SFMBT2: variants seen among roughly 807,000 people sequenced by gnomAD.
SFMBT2 encodes the protein scm-like with four MBT domains protein 2.
A neutral mutation model predicts 110.1 loss-of-function variants in SFMBT2; 38 were observed. That is an observed-to-expected ratio of 0.35 (90% CI 0.27 to 0.45). The LOEUF (loss-of-function observed/expected upper bound fraction) is 0.45. SFMBT2 is among the 20% of genes least tolerant of loss of function. The probability of loss-of-function intolerance (pLI) is 1.00; values close to 1 mark genes in which losing one functional copy is unlikely to be tolerated. For missense variants in SFMBT2, 1,011 were observed against 1,094.9 expected (o/e 0.92, Z 1.08); for synonymous variants, 425 against 425.4 (o/e 1.00, Z 0.01).
intron 8 of SFMBT2, among the ~76,000 whole-genome samples, chr10:7,246,718 C>CAAAAAAA (rs397949347): frequency 7.6e-4 from 55 of 72,110 alleles, no homozygotes; most frequent in African/African-American, 2.6e-3. Flanking sequence ...GACTCCATCT[C>CAAAAAAA]AAAAAAAAAA....
At chr10:7,279,446 G>A (rs559594182) in intron 6 of SFMBT2, among the ~76,000 whole-genome samples, 30 of 152,300 alleles carry the variant, frequency 2.0e-4, no homozygotes, top group African/African-American at 7.0e-4. Flanking sequence ...TCATGAAAAG[G>A]TGAAAATCAA....
chr10:7,365,252 C>T (rs1287717399), intron 4 of SFMBT2, among the ~76,000 whole-genome samples: 1 of 152,212 alleles, frequency 6.6e-6, no homozygotes, highest in African/African-American at 2.4e-5. Context: ...AATCCAGGCT[C>T]GCATGTCCAG....
Position 7,170,495 on chromosome 10 carries a change from TC to T in SFMBT2, c.2544+432del, listed in dbSNP as rs577215050. 6.6e-6 allele frequency among the ~76,000 whole-genome samples: 1 copy of T among 152,086 alleles called. No individual in the cohort carries two copies. Among genetic ancestry groups the T allele is most frequent in the South Asian group, 2.1e-4 (1 of 4,826 alleles). On this transcript the variant is annotated intron_variant, in intron 20 of 20. Transcript: ENST00000397167. This position sits in a 1 kb window ranked among gnomAD's most constrained non-coding sequence, Gnocchi z 4.6. The stretch of plus-strand genomic sequence containing the variant: ...GGCCAGGTGGCAACTGGGCACCCCA[TC>T]CCACCACTGACCTGGCATCTGAAAG...
chr10:7,346,245 G>T (rs1844104078), intron 4 of SFMBT2, among the ~76,000 whole-genome samples: 2 of 152,130 alleles, frequency 1.3e-5, no homozygotes, highest in Admixed American at 6.5e-5. Flanking sequence ...AAAATAATCT[G>T]TTGTGTTTTG....
At chr10:7,283,809 T>C (rs1564421272) in intron 6 of SFMBT2, 95 bp downstream of exon 6, 1 of 864,042 alleles carries the variant, frequency 1.2e-6, no homozygotes, top group Non-Finnish European at 1.9e-6. Context: ...ATATAAAAGA[T>C]ACCAGAAAGC....
chr10:7,276,463 C>T (rs1406838938), intron 7 of SFMBT2, among the ~76,000 whole-genome samples: 1 of 151,468 alleles, frequency 6.6e-6, no homozygotes, highest in Admixed American at 6.6e-5. Flanking sequence ...CAGATAAAAC[C>T]TTAAGCATTT....
intron 9 of SFMBT2, among the ~76,000 whole-genome samples, chr10:7,236,635 C>A (rs1840265927): frequency 6.6e-6 from 1 of 151,940 alleles, no homozygotes; most frequent in Admixed American, 6.6e-5. Flanking sequence ...CTTCCTCATG[C>A]CAATACAAAA....
At chr10:7,164,928 T>C (rs1447558471) in intron 20 of SFMBT2, among the ~76,000 whole-genome samples, 1 of 152,120 alleles carries the variant, frequency 6.6e-6, no homozygotes, top group Non-Finnish European at 1.5e-5. Flanking sequence ...TCAGTTGAAT[T>C]TGCTGCAGGA....
chr10:7,188,537 C>T, intron 16 of SFMBT2, 87 bp downstream of exon 16: 3 of 991,260 alleles, frequency 3.0e-6, no homozygotes, highest in East Asian at 4.9e-5. Context: ...TTTCTCAGGG[C>T]TGTGTCACAA....
intron 2 of SFMBT2, among the ~76,000 whole-genome samples, chr10:7,373,692 G>C (rs1251453955): frequency 2.0e-5 from 3 of 152,128 alleles, no homozygotes; most frequent in Non-Finnish European, 1.5e-5. Context: ...TGATGAGTCT[G>C]TCTCTCCATG....
At chr10:7,166,364 T>C (rs1213311462) in intron 20 of SFMBT2, among the ~76,000 whole-genome samples, 2 of 152,252 alleles carry the variant, frequency 1.3e-5, no homozygotes, top group Admixed American at 1.3e-4. Context: ...GGCATGATGG[T>C]GATTCAATCA....
intron 10 of SFMBT2, among the ~76,000 whole-genome samples, chr10:7,225,308 A>G (rs1008713208): frequency 9.2e-5 from 14 of 152,218 alleles, no homozygotes; most frequent in African/African-American, 3.4e-4. Flanking sequence ...GATTCCTTTC[A>G]TAACAGCCTC....
At chr10:7,392,518 GA>G (rs974228567) in intron 1 of SFMBT2, among the ~76,000 whole-genome samples, 47 of 144,720 alleles carry the variant, frequency 3.2e-4, no homozygotes, top group Admixed American at 6.1e-4. Context: ...CGTCTCAAAG[GA>G]AAAAAAAAAA....
intron 10 of SFMBT2, among the ~76,000 whole-genome samples, chr10:7,220,793 A>G (rs1000710206): frequency 6.7e-6 from 1 of 150,228 alleles, no homozygotes; most frequent in East Asian, 2.0e-4. Flanking sequence ...GTATGAATTC[A>G]TTCTCTTTCC....
Position 7,207,007 on chromosome 10 carries a change from C to T in SFMBT2, c.1331-1079G>A, listed in dbSNP as rs1839157406. 1.4e-5 allele frequency: 11 copies of T among 783,722 alleles called. No homozygotes were observed. The South Asian group carries it at 5.2e-4, about 37-fold the overall frequency. The allele number at this position is 783,722 out of a possible 1,614,324, so 48.5% of individuals were successfully genotyped here. ...TTGGGAGGCCAAGGCCAGCAAATTGCTTGAGCCTAGGAGTTCAAGATCAGC... is the reference window on the plus strand; with the variant it reads ...TTGGGAGGCCAAGGCCAGCAAATTGTTTGAGCCTAGGAGTTCAAGATCAGC... On this transcript the variant is annotated intron_variant, in intron 11 of 20. Coordinates refer to ENST00000397167, the MANE Select transcript of SFMBT2 (RefSeq NM_001387889.1).
intron 8 of SFMBT2, chr10:7,246,268 T>C: frequency 1.6e-6 from 1 of 624,168 alleles, no homozygotes; most frequent in South Asian, 7.2e-5. Flanking sequence ...CAATAAGATC[T>C]ATTTAGAGAA....
At chr10:7,409,634 C>G (rs1846317643) in intron 1 of SFMBT2, among the ~76,000 whole-genome samples, 2 of 151,902 alleles carry the variant, frequency 1.3e-5, no homozygotes, top group Admixed American at 1.3e-4. Context: ...CACACAGACT[C>G]TAACCACGGA....
At chr10:7,223,328 A>C (rs1839805712) in intron 10 of SFMBT2, among the ~76,000 whole-genome samples, 1 of 152,110 alleles carries the variant, frequency 6.6e-6, no homozygotes, top group Admixed American at 6.5e-5. Flanking sequence ...CAGCCATTGT[A>C]ATAGGTATCT....
intron 4 of SFMBT2, among the ~76,000 whole-genome samples, chr10:7,304,190 T>C (rs4747444): frequency 0.31 from 47,396 of 152,032 alleles, 9,375 homozygotes; most frequent in East Asian, 0.71. Context: ...AGGGACCCAC[T>C]GGGAGGTAAC....
Sources: gnomAD v4.1 joint callset for allele counts (sites outside exome capture counted in the v4.1 genomes callset) on GRCh38, gnomAD v4.1.1 for gene constraint, Gnocchi (gnomAD v3.1) non-coding constraint, MANE v1.5 for transcripts, NCBI Gene and HGNC (gene_info 2026-07-23, HGNC 2026-07-21) for gene names.